Variants in CEP170 observed in about 807,000 individuals in gnomAD.
CEP170 encodes centrosomal protein of 170 kDa.
CEP170 carries 21 observed loss-of-function variants against 151.9 expected under a neutral mutation model. The observed-to-expected ratio is 0.14, with a 90% confidence interval of 0.10 to 0.20. The LOEUF is 0.20. CEP170 is among the 10% of genes least tolerant of loss of function. The pLI, the probability that CEP170 is intolerant of heterozygous loss-of-function variation, is 1.00. For synonymous variants in CEP170, 356 were observed against 648.8 expected, an observed-to-expected ratio of 0.55 and a Z score of 6.86; for missense variants, 964 against 1,892.9, an observed-to-expected ratio of 0.51 and a Z score of 9.11.
At chr1:243,129,502 T>C (rs1451722035) in intron 17 of CEP170, 49 bp from the exon 18 acceptor site, 3 of 1,193,788 alleles carry the variant, frequency 2.5e-6, no homozygotes, top group Admixed American at 5.9e-5. Context: ...TTTAAAAACC[T>C]ATTACTTTTT....
At chr1:243,139,638 T>C (rs1311419395) in intron 16 of CEP170, among the ~76,000 whole-genome samples, 1 of 152,196 alleles carries the variant, frequency 6.6e-6, no homozygotes, top group East Asian at 1.9e-4. Context: ...TTGTCTGTAT[T>C]TTTTAAGTAA....
chr1:243,129,159 C>G (rs2054072389), intron 18 of CEP170, among the ~76,000 whole-genome samples: 1 of 152,054 alleles, frequency 6.6e-6, no homozygotes, highest in South Asian at 2.1e-4. Flanking sequence ...ACACAAAAGG[C>G]TCCTCCTTCA....
chr1:243,231,631 T>C (rs1257391398), intron 1 of CEP170, among the ~76,000 whole-genome samples: 1 of 152,188 alleles, frequency 6.6e-6, no homozygotes, highest in Non-Finnish European at 1.5e-5. Context: ...AAACTAGGTT[T>C]ATAAGTTTAA....
intron 1 of CEP170, among the ~76,000 whole-genome samples, chr1:243,226,605 A>G (rs1363073766): frequency 6.6e-6 from 1 of 152,086 alleles, no homozygotes; most frequent in African/African-American, 2.4e-5. Flanking sequence ...GATACTACAT[A>G]AAAATTATAT....
intron 14 of CEP170, among the ~76,000 whole-genome samples, chr1:243,154,970 C>CA (rs1313203884): frequency 1.3e-5 from 2 of 152,006 alleles, no homozygotes; most frequent in Non-Finnish European, 2.9e-5. Context: ...AATGATGAGA[C>CA]AAGAGTAAGA....
chr1:243,224,555 G>C (rs1385845525), intron 2 of CEP170, among the ~76,000 whole-genome samples: 1 of 152,094 alleles, frequency 6.6e-6, no homozygotes, highest in Non-Finnish European at 1.5e-5. Flanking sequence ...CAGGTTGGAT[G>C]AACTTGTTTT....
chr1:243,221,645 T>C, intron 3 of CEP170, 79 bp downstream of exon 3: 1 of 1,361,298 alleles, frequency 7.3e-7, no homozygotes, highest in African/African-American at 1.5e-5. Flanking sequence ...AAAATGTAGC[T>C]AGGAAATGTA....
chr1:243,236,029 C>T (rs564049583), intron 1 of CEP170, among the ~76,000 whole-genome samples: 1 of 152,198 alleles, frequency 6.6e-6, no homozygotes, highest in African/African-American at 2.4e-5. Context: ...TGCTTTACAC[C>T]AAAAAATCAA....
chr1:243,189,881 T>C (rs2060196821), intron 8 of CEP170, among the ~76,000 whole-genome samples: 1 of 152,166 alleles, frequency 6.6e-6, no homozygotes, highest in Non-Finnish European at 1.5e-5. Flanking sequence ...AATGTCACAA[T>C]CATGTCTCAA....
intron 1 of CEP170, among the ~76,000 whole-genome samples, chr1:243,245,997 A>G (rs1390549584): frequency 6.6e-6 from 1 of 152,042 alleles, no homozygotes; most frequent in African/African-American, 2.4e-5. Flanking sequence ...CGTAATATTC[A>G]GCACTGATGA....
chr1:243,198,001 A>T (rs1251737580), intron 7 of CEP170, among the ~76,000 whole-genome samples: 2 of 152,134 alleles, frequency 1.3e-5, no homozygotes, highest in Non-Finnish European at 2.9e-5. Flanking sequence ...GCATACCTAA[A>T]GAACCAATGT....
intron 4 of CEP170, among the ~76,000 whole-genome samples, chr1:243,206,649 A>C (rs944015734): frequency 1.3e-5 from 2 of 152,236 alleles, no homozygotes; most frequent in African/African-American, 4.8e-5. Context: ...AATGGGTATA[A>C]AAATATGTAT....
At chr1:243,147,387 A>C (rs1432296767) in intron 14 of CEP170, among the ~76,000 whole-genome samples, 4 of 152,260 alleles carry the variant, frequency 2.6e-5, no homozygotes, top group Non-Finnish European at 5.9e-5. Context: ...ATTTTAATAC[A>C]GCCTTTGGCT....
chr1:243,238,328 G>A (rs746922306), intron 1 of CEP170, among the ~76,000 whole-genome samples: 4 of 152,042 alleles, frequency 2.6e-5, no homozygotes, highest in African/African-American at 7.2e-5. Context: ...GTGTGGTGAC[G>A]TGCACCTGTG....
At chr1:243,254,743 G>A (rs1322636831) in intron 1 of CEP170, among the ~76,000 whole-genome samples, 1 of 145,826 alleles carries the variant, frequency 6.9e-6, no homozygotes, top group African/African-American at 2.5e-5. Flanking sequence ...GGAGGCGGCA[G>A]CAAGGGGCTC....
intron 1 of CEP170, among the ~76,000 whole-genome samples, chr1:243,226,808 G>T (rs150685793): frequency 6.6e-6 from 1 of 152,206 alleles, no homozygotes; most frequent in East Asian, 1.9e-4. Context: ...TGACCAACAC[G>T]GAGAAACCCC....
At chr1:243,158,842 G>A (rs1280333452) in intron 13 of CEP170, among the ~76,000 whole-genome samples, 1 of 152,106 alleles carries the variant, frequency 6.6e-6, no homozygotes, top group Non-Finnish European at 1.5e-5. Flanking sequence ...GCTGAGGTGG[G>A]AGGATCACAA....
At chr1:243,218,204 C>A (rs1414196700) in intron 3 of CEP170, among the ~76,000 whole-genome samples, 1 of 152,216 alleles carries the variant, frequency 6.6e-6, no homozygotes, top group African/African-American at 2.4e-5. Context: ...CCATTCTCTA[C>A]TCTATACCAC....
At chr1:243,153,038 AG>A (rs1489757933) in intron 14 of CEP170, among the ~76,000 whole-genome samples, 1 of 152,222 alleles carries the variant, frequency 6.6e-6, no homozygotes, top group African/African-American at 2.4e-5. Context: ...GGAGTTTGGA[AG>A]AAACTGATTC....
Sources: gnomAD v4.1 joint callset for allele counts (sites outside exome capture counted in the v4.1 genomes callset) on GRCh38, gnomAD v4.1.1 for gene constraint, MANE v1.5 for transcripts, NCBI Gene and HGNC (gene_info 2026-07-23, HGNC 2026-07-21) for gene names.